Variants in REDIC1 observed in about 807,000 individuals in gnomAD.
The protein encoded by REDIC1 is regulator of DNA class I crossover intermediates 1.
At chr12:39,626,941 T>C in the REDIC1 span, among the ~76,000 whole-genome samples, 15 of 152,188 alleles carry the variant, frequency 9.9e-5, no homozygotes, top group African/African-American at 3.6e-4. Flanking sequence ...GCGTGATAGA[T>C]TGAAAATTTA....
chr12:39,848,885 G>A, the REDIC1 span, among the ~76,000 whole-genome samples: 2 of 152,198 alleles, frequency 1.3e-5, no homozygotes, highest in Non-Finnish European at 2.9e-5. Context: ...CATGGATGGA[G>A]CTGGAGGCTA....
chr12:39,711,221 A>C, the REDIC1 span, among the ~76,000 whole-genome samples: 2 of 150,680 alleles, frequency 1.3e-5, no homozygotes, highest in South Asian at 4.2e-4. Context: ...CTGCGTTTTT[A>C]ATCTACCATA....
the REDIC1 span, among the ~76,000 whole-genome samples, chr12:39,746,199 T>G: frequency 6.6e-6 from 1 of 151,642 alleles, no homozygotes; most frequent in East Asian, 1.9e-4. Flanking sequence ...AGGGAAGGGG[T>G]GACAGACGGC....
the REDIC1 span, among the ~76,000 whole-genome samples, chr12:39,843,510 T>G: frequency 6.6e-6 from 1 of 152,108 alleles, no homozygotes; most frequent in Non-Finnish European, 1.5e-5. Context: ...TTCACCAATA[T>G]CTACTTGCCC....
chr12:39,767,481 T>A, the REDIC1 span, among the ~76,000 whole-genome samples: 2,401 of 152,066 alleles, frequency 0.016, 58 homozygotes, highest in African/African-American at 0.052. Flanking sequence ...AGCATTGGCT[T>A]CAACTTAAAA....
chr12:39,666,979 A>C, the REDIC1 span, among the ~76,000 whole-genome samples: 2 of 152,018 alleles, frequency 1.3e-5, no homozygotes, highest in African/African-American at 2.4e-5. Flanking sequence ...TAGTCTTGCT[A>C]GCGGTCCATC....
the REDIC1 span, among the ~76,000 whole-genome samples, chr12:39,713,141 G>A: frequency 6.7e-6 from 1 of 149,202 alleles, no homozygotes; most frequent in Non-Finnish European, 1.5e-5. Context: ...ACGTATATAT[G>A]TAGATATGTG....
chr12:39,800,561 A>C, the REDIC1 span, among the ~76,000 whole-genome samples: 2 of 102,510 alleles, frequency 2.0e-5, no homozygotes, highest in Non-Finnish European at 3.9e-5. Flanking sequence ...ATCTCACACC[A>C]GTTAGAATGG....
chr12:39,764,928 A>AT, the REDIC1 span: 1 of 1,517,058 alleles, frequency 6.6e-7, no homozygotes, highest in Non-Finnish European at 8.9e-7. Context: ...CAATATGATC[A>AT]TATTTATGTA....
chr12:39,647,204 C>T, the REDIC1 span, among the ~76,000 whole-genome samples: 22 of 152,040 alleles, frequency 1.4e-4, no homozygotes, highest in African/African-American at 5.1e-4. Flanking sequence ...TTGAGCAATT[C>T]ATCTGTTCAA....
At chr12:39,902,948 A>G in the REDIC1 span, among the ~76,000 whole-genome samples, 1 of 152,108 alleles carries the variant, frequency 6.6e-6, no homozygotes, top group East Asian at 1.9e-4. Flanking sequence ...CAAACTGTTG[A>G]CTACGTTCCA....
the REDIC1 span, among the ~76,000 whole-genome samples, chr12:39,693,936 T>G: frequency 6.6e-6 from 1 of 152,220 alleles, no homozygotes; most frequent in Non-Finnish European, 1.5e-5. Context: ...AATGTACATT[T>G]TATTCCACAG....
the REDIC1 span, among the ~76,000 whole-genome samples, chr12:39,771,898 A>G: frequency 5.3e-5 from 8 of 152,118 alleles, no homozygotes; most frequent in East Asian, 5.8e-4. Context: ...TTCTGAACCT[A>G]CAGTCTAGAC....
chr12:39,860,884 C>T, the REDIC1 span, among the ~76,000 whole-genome samples: 1 of 152,168 alleles, frequency 6.6e-6, no homozygotes, highest in African/African-American at 2.4e-5. Flanking sequence ...CCCACACCCA[C>T]CCAGAGACAG....
the REDIC1 span, chr12:39,764,421 A>G: frequency 6.7e-7 from 1 of 1,490,758 alleles, no homozygotes; most frequent in South Asian, 1.4e-5. Flanking sequence ...TAGTGATAAA[A>G]ATAAAAACAA....
At chr12:39,766,720 T>C in the REDIC1 span, among the ~76,000 whole-genome samples, 1 of 152,140 alleles carries the variant, frequency 6.6e-6, no homozygotes, top group Admixed American at 6.6e-5. Context: ...TTTGATATCA[T>C]TTCAACAATG....
chr12:39,631,024 G>A, the REDIC1 span, among the ~76,000 whole-genome samples: 1 of 152,072 alleles, frequency 6.6e-6, no homozygotes, highest in African/African-American at 2.4e-5. Context: ...CAGTAGCTGC[G>A]ATTACAGGAA....
chr12:39,753,452 C>A, the REDIC1 span, among the ~76,000 whole-genome samples: 1 of 151,294 alleles, frequency 6.6e-6, no homozygotes, highest in Non-Finnish European at 1.5e-5. Flanking sequence ...TCCTGTTAAT[C>A]TGGAGAATAT....
At chr12:39,815,348 TCTA>T in the REDIC1 span, among the ~76,000 whole-genome samples, 2 of 152,214 alleles carry the variant, frequency 1.3e-5, no homozygotes, top group African/African-American at 4.8e-5. Flanking sequence ...TATTGTCATT[TCTA>T]CTACAAGTTT....
Sources: gnomAD v4.1 joint callset for allele counts (sites outside exome capture counted in the v4.1 genomes callset) on GRCh38, gnomAD v4.1.1 for gene constraint, MANE v1.5 for transcripts, NCBI Gene and HGNC (gene_info 2026-07-23, HGNC 2026-07-21) for gene names.